The following CASC3 variants were observed in gnomAD, a reference collection of about 807,000 sequenced individuals.
CASC3 encodes the protein CASC3 exon junction complex subunit.
CASC3 carries 30 observed loss-of-function variants against 80.5 expected under a neutral mutation model. That is an observed-to-expected ratio of 0.37 (90% CI 0.28 to 0.51). The LOEUF (loss-of-function observed/expected upper bound fraction) is 0.51, where lower values mean the gene tolerates loss of function less well. Ranked by LOEUF, CASC3 falls within the 20% of genes least tolerant of loss-of-function variation. The pLI is 0.94. For synonymous variants in CASC3, 312 were observed against 333.6 expected, an observed-to-expected ratio of 0.94 and a Z score of 0.70; for missense variants, 824 against 922.2, an observed-to-expected ratio of 0.89 and a Z score of 1.38.
At position 40,168,362 on chromosome 17, in the gene CASC3, A is replaced by G; in HGVS notation, c.1910A>G (p.Tyr637Cys). 2 of 1,614,006 alleles carry G rather than the reference A, an allele frequency of 1.2e-6. No individual in the cohort carries two copies. Among genetic ancestry groups the G allele is most frequent in the Non-Finnish European group, 1.7e-6 (2 of 1,180,008 alleles). ...AACTTTGGTAATCCCAGTTACCCTT[A>G]TGCTCCAGGGGCACTGCCTCCCCCA... Reference protein sequence around the residue: ...VMNFGNPSYPYAPGALPPPPP... With the variant: ...VMNFGNPSYPCAPGALPPPPP... Residue 637 changes from tyrosine to cysteine, a missense_variant, in exon 11 of 14, where the codon TAT becomes TGT. Around this residue, in one of 3 missense-constraint regions of CASC3, gnomAD observed 464 missense variants for 506.0 expected, o/e 0.92. Coordinates refer to ENST00000264645, the MANE Select transcript of CASC3 (RefSeq NM_007359.5).
In CASC3 at chr17:40,166,814, C is replaced by G. The variant is rs746642611; in HGVS notation, c.1489C>G (p.His497Asp). The G allele has an allele frequency of 6.2e-7, 1 of 1,603,368 alleles. No individual in the cohort carries two copies. The highest frequency in any genetic ancestry group is 8.5e-7 in the Non-Finnish European group (1 of 1,176,556). ...TATTACAGGTATGCCCAACCATATA[C>G]ACATGGGAGCAGGACCTCCACCTCA... ...RELRGMPNHI[H>D]MGAGPPPQFN... is the part of the protein sequence containing the mutation. Residue 497 changes from histidine (H) to aspartate (D), a missense_variant, in exon 8 of 14, where the codon CAC (histidine) becomes GAC (aspartate). By Grantham distance (81) the His-to-Asp change is moderately conservative. Coordinates refer to ENST00000264645, the MANE Select transcript of CASC3 (RefSeq NM_007359.5).
chr17:40,154,221 A>AT (rs1448774550), intron 3 of CASC3, among the ~76,000 whole-genome samples: 2 of 121,726 alleles, frequency 1.6e-5, no homozygotes, highest in African/African-American at 3.1e-5. Context: ...TATTGTTTTT[A>AT]TTTTTTTTAG....
chr17:40,167,449 T>TC, intron 8 of CASC3, 49 bp from the exon 9 acceptor site: 3 of 1,360,294 alleles, frequency 2.2e-6, no homozygotes, highest in Non-Finnish European at 3.2e-6. Flanking sequence ...GGACTTGATA[T>TC]GAGAGCCCTC....
In CASC3 at chr17:40,168,242, C is replaced by CG; in HGVS notation, c.1790_1791insG (p.Gly598ArgfsTer35). ...CAGACACCAGCTCCTCTGCCCAATCCAGGCCTCTATCCCCCACCAGTGTCC... is the reference window on the plus strand; with the variant it reads ...CAGACACCAGCTCCTCTGCCCAATCCGAGGCCTCTATCCCCCACCAGTGTCC... On this transcript the variant is annotated frameshift_variant, in exon 11 of 14. Coordinates refer to ENST00000264645, the MANE Select transcript of CASC3 (RefSeq NM_007359.5). LOFTEE classifies it high-confidence loss of function. The CG allele has an allele frequency of 6.2e-7, 1 of 1,614,150 alleles. No individual in the cohort carries two copies. Among genetic ancestry groups the CG allele is most frequent in the Non-Finnish European group, 8.5e-7 (1 of 1,180,018 alleles).
At chr17:40,148,649 C>T (rs1170440594) in intron 3 of CASC3, among the ~76,000 whole-genome samples, 1 of 151,962 alleles carries the variant, frequency 6.6e-6, no homozygotes, top group Non-Finnish European at 1.5e-5. Flanking sequence ...CATGAGCCAC[C>T]GTGTGTGGCC....
In CASC3 at chr17:40,151,667, TTGAG is replaced by T. The variant is rs1989012436; in HGVS notation, c.297+10062_297+10065del. 3.4e-5 allele frequency among the ~76,000 whole-genome samples: 5 copies of T among 147,704 alleles called. No individual in the cohort carries two copies. In the South Asian group the frequency reaches 1.1e-3, roughly 32 times the overall value. On this transcript the variant is annotated intron_variant, in intron 3 of 13. Coordinates refer to ENST00000264645, the MANE Select transcript of CASC3 (RefSeq NM_007359.5). ...TGTGATCATACCACTGCACTCCAGC[TTGAG>T]TAACAGAGTGAGACCTTCATCTCAA...
rs977063468 is a variant in CASC3 at position 40,167,914 on chromosome 17, G to A, written c.1716G>A (p.Met572Ile). The A allele has an allele frequency of 1.2e-6, 2 of 1,614,126 alleles. No individual in the cohort carries two copies. The highest frequency in any genetic ancestry group is 8.5e-7 in the Non-Finnish European group (1 of 1,180,016). ...DSPAPLPPQG[M>I]LVQPGMNLPH... Reference sequence around the variant, plus strand: ...CTGCCCCGCTGCCTCCACAGGGCATGCTTGTGCAGCCAGGAATGAACCTTC... The same window carrying A: ...CTGCCCCGCTGCCTCCACAGGGCATACTTGTGCAGCCAGGAATGAACCTTC... The change falls in exon 10 of 14, where the codon ATG (methionine) becomes ATA (isoleucine). Residue 572 changes from methionine (M) to isoleucine (I), a missense_variant. Physicochemically the swap from Met to Ile is conservative, Grantham distance 10 (BLOSUM62 1). Around this residue, in one of 3 missense-constraint regions of CASC3, gnomAD observed 464 missense variants for 506.0 expected, o/e 0.92. Transcript: ENST00000264645.
chr17:40,165,254 G>C (rs181001119), intron 7 of CASC3, among the ~76,000 whole-genome samples: 1 of 151,258 alleles, frequency 6.6e-6, no homozygotes, highest in African/African-American at 2.4e-5. Flanking sequence ...TCATAGAGAT[G>C]GGGTTTCATT....
chr17:40,170,670 C>T lies in CASC3; in HGVS notation c.*265C>T. On this transcript the variant is annotated 3_prime_UTR_variant, in exon 14 of 14. Coordinates refer to ENST00000264645, the MANE Select transcript of CASC3 (RefSeq NM_007359.5). Reference sequence around the variant, plus strand: ...GTTCGGGGGAGCAGAGAGAGCCAGACAGCCCCAAGCTTCTGAGTCTAGATA... The same window carrying T: ...GTTCGGGGGAGCAGAGAGAGCCAGATAGCCCCAAGCTTCTGAGTCTAGATA... 3.0e-6 allele frequency: 3 copies of T among 985,578 alleles called. No homozygotes were observed. The highest frequency in any genetic ancestry group is 3.6e-6 in the Non-Finnish European group (3 of 829,936). 61.1% of individuals were successfully genotyped at this position (985,578 alleles called of 1,614,324 possible).
chr17:40,151,694 CAAAAAAAA>C (rs1010260103), intron 3 of CASC3, among the ~76,000 whole-genome samples: 1 of 53,098 alleles, frequency 1.9e-5, no homozygotes, highest in African/African-American at 6.3e-5. Context: ...ACCTTCATCT[CAAAAAAAA>C]AAAAAAAAAA....
chr17:40,162,858 C>T lies in CASC3; in HGVS notation c.742C>T (p.His248Tyr). 1 of 1,614,058 alleles carries T rather than the reference C, an allele frequency of 6.2e-7. No individual in the cohort carries two copies. Among genetic ancestry groups the T allele is most frequent in the Non-Finnish European group, 8.5e-7 (1 of 1,179,984 alleles). ...ALYGYDIRSA[H>Y]NPDDIKPRRI... Reference sequence around the variant, plus strand: ...TTATGGTTATGACATTCGCTCAGCTCATAATCCTGATGACATCAAACCTCG... The same window carrying T: ...TTATGGTTATGACATTCGCTCAGCTTATAATCCTGATGACATCAAACCTCG... The change falls in exon 6 of 14, where the codon CAT becomes TAT. Residue 248 changes from histidine to tyrosine, a missense_variant. By Grantham distance (83) the His-to-Tyr change is moderately conservative. Around this residue, in one of 3 missense-constraint regions of CASC3, gnomAD observed 201 missense variants for 294.1 expected, o/e 0.68. Coordinates refer to ENST00000264645, the MANE Select transcript of CASC3 (RefSeq NM_007359.5).
intron 3 of CASC3, among the ~76,000 whole-genome samples, chr17:40,153,080 G>A (rs1989052529): frequency 6.6e-6 from 1 of 152,034 alleles, no homozygotes; most frequent in African/African-American, 2.4e-5. Context: ...CAACCAGTAA[G>A]TTATTATTAA....
chr17:40,145,244 T>C (rs1988828918), intron 3 of CASC3, among the ~76,000 whole-genome samples: 1 of 150,494 alleles, frequency 6.6e-6, no homozygotes, highest in Admixed American at 6.7e-5. Context: ...CAATCTCGGC[T>C]CACTGCAGCC....
At chr17:40,166,297 A>G (rs1247894788) in intron 7 of CASC3, among the ~76,000 whole-genome samples, 1 of 152,148 alleles carries the variant, frequency 6.6e-6, no homozygotes, top group Non-Finnish European at 1.5e-5. Flanking sequence ...TTGGAGGACA[A>G]TCTCTAGAAC....
chr17:40,149,575 G>C (rs1988947219), intron 3 of CASC3, among the ~76,000 whole-genome samples: 1 of 152,282 alleles, frequency 6.6e-6, no homozygotes, highest in African/African-American at 2.4e-5. Flanking sequence ...GGAAAAAAGA[G>C]AGGGAATAGA....
intron 3 of CASC3, among the ~76,000 whole-genome samples, chr17:40,146,084 C>T (rs1281849329): frequency 1.3e-5 from 2 of 152,094 alleles, no homozygotes; most frequent in East Asian, 1.9e-4. Flanking sequence ...ATGCTATGTA[C>T]TGTAAAATTT....
intron 5 of CASC3, 56 bp from the exon 6 acceptor site, chr17:40,162,669 C>A: frequency 6.4e-7 from 1 of 1,567,180 alleles, no homozygotes; most frequent in Non-Finnish European, 8.7e-7. Flanking sequence ...TGTTCAAGAA[C>A]ATCTCTACTT....
intron 3 of CASC3, among the ~76,000 whole-genome samples, chr17:40,145,991 A>G (rs1013971849): frequency 6.6e-6 from 1 of 152,136 alleles, no homozygotes; most frequent in Non-Finnish European, 1.5e-5. Flanking sequence ...AGAAAATCCA[A>G]TTAGCCATTC....
chr17:40,153,634 C>T (rs1331964182), intron 3 of CASC3, among the ~76,000 whole-genome samples: 1 of 152,112 alleles, frequency 6.6e-6, no homozygotes, highest in African/African-American at 2.4e-5. Flanking sequence ...ATGAGGGTTC[C>T]AGTTTCTCTA....
Sources: gnomAD v4.1 joint callset for allele counts (sites outside exome capture counted in the v4.1 genomes callset) on GRCh38, gnomAD v4.1.1 for gene constraint, gnomAD v4.1.1 regional missense constraint, MANE v1.5 for transcripts, NCBI Gene and HGNC (gene_info 2026-07-23, HGNC 2026-07-21) for gene names.